ID1: variants seen among roughly 807,000 people sequenced by gnomAD.
ID1 encodes DNA-binding protein inhibitor ID-1.
Under a neutral mutation model 11.3 loss-of-function variants are expected in ID1, and 8 were observed. The ratio of observed to expected loss-of-function variants is 0.71; its 90% CI spans 0.42 to 1.28. The LOEUF (loss-of-function observed/expected upper bound fraction) is 1.28, where lower values mean the gene tolerates loss of function less well. Ranked by LOEUF, ID1 falls within the 50% of genes most tolerant of loss-of-function variation. The probability of loss-of-function intolerance (pLI) is 0.01; values close to 1 mark genes in which losing one functional copy is unlikely to be tolerated. For missense variants in ID1, 347 were observed against 219.8 expected (o/e 1.58, Z -3.66); for synonymous variants, 176 against 100.2 (o/e 1.76, Z -4.52).
rs377464239 is a variant in ID1, at chr20:31,605,467, G to T, written c.80G>T (p.Gly27Val). The T allele has an allele frequency of 4.2e-5, 68 of 1,608,504 alleles. 1 individual carries two copies. The highest frequency in any genetic ancestry group is 5.8e-5 in the Non-Finnish European group (68 of 1,177,686). ...CALKAGKTASGAGEVVRCLSE... is the reference protein window; with the variant it reads ...CALKAGKTASVAGEVVRCLSE... ...CTGAAGGCCGGCAAGACAGCGAGCG[G>T]TGCGGGCGAGGTGGTGCGCTGTCTG... Residue 27 changes from glycine to valine, a missense_variant, in exon 1 of 2, where the codon GGT becomes GTT. By Grantham distance (109) the Gly-to-Val change is moderately radical. Transcript: ENST00000376112.
At position 31,605,660 on chromosome 20, in the gene ID1, G is replaced by T; in HGVS notation, c.273G>T (p.Lys91Asn). ...PTLPQNRKVS[K>N]VEILQHVIDY... ...TGCCCCAGAACCGCAAGGTGAGCAA[G>T]GTGGAGATTCTCCAGCACGTCATCG... Residue 91 changes from lysine to asparagine, a missense_variant, in exon 1 of 2, where the codon AAG (lysine) becomes AAT (asparagine). Lys to Asn is a moderately conservative substitution (Grantham distance 94). Coordinates refer to ENST00000376112, the MANE Select transcript of ID1 (RefSeq NM_002165.4). The T allele has an allele frequency of 6.2e-7, 1 of 1,608,126 alleles. No individual in the cohort carries two copies. The highest frequency in any genetic ancestry group is 1.1e-5 in the South Asian group (1 of 90,120).
Position 31,605,425 on chromosome 20 carries a change from C to T in ID1, c.38C>T (p.Ala13Val), listed in dbSNP as rs1476453775. 3 of 1,605,994 alleles carry T rather than the reference C, an allele frequency of 1.9e-6. No individual in the cohort carries two copies. The highest frequency in any genetic ancestry group is 2.7e-5 in the African/African-American group (2 of 74,300). The change falls in exon 1 of 2, where the codon GCG becomes GTG. Residue 13 changes from alanine (A) to valine (V), a missense_variant. Physicochemically the swap from Ala to Val is moderately conservative, Grantham distance 64 (BLOSUM62 0). Transcript: ENST00000376112. ...VASGSTATAA[A>V]GPSCALKAGK... ...AGTGGCAGCACCGCCACCGCCGCCG[C>T]GGGCCCCAGCTGCGCGCTGAAGGCC...
At position 31,605,708 on chromosome 20, in the gene ID1, G is replaced by A. The variant is rs1433155084; in HGVS notation, c.321G>A (p.Leu107=). The A allele has an allele frequency of 2.5e-6, 4 of 1,611,646 alleles. No individual in the cohort carries two copies. Among genetic ancestry groups the A allele is most frequent in the East Asian group, 2.2e-5 (1 of 44,690 alleles). Residue 107 remains leucine (L), a synonymous_variant, in exon 1 of 2, where the codon TTG becomes TTA. Transcript: ENST00000376112. ...HVIDYIRDLQ[L]ELNSESEVGT... ...TCGACTACATCAGGGACCTTCAGTT[G>A]GAGCTGAACTCGGAATCCGAAGTTG...
rs1394716206 is a variant in ID1, at chr20:31,605,706, T to A, written c.319T>A (p.Leu107Met). The A allele has an allele frequency of 8.7e-6, 14 of 1,611,642 alleles. No homozygotes were observed. Among genetic ancestry groups the A allele is most frequent in the African/African-American group, 1.3e-5 (1 of 74,754 alleles). Reference sequence around the variant, plus strand: ...CATCGACTACATCAGGGACCTTCAGTTGGAGCTGAACTCGGAATCCGAAGT... The same window carrying A: ...CATCGACTACATCAGGGACCTTCAGATGGAGCTGAACTCGGAATCCGAAGT... Reference protein sequence around the residue: ...HVIDYIRDLQLELNSESEVGT... With the variant: ...HVIDYIRDLQMELNSESEVGT... The change falls in exon 1 of 2, where the codon TTG (leucine) becomes ATG (methionine). Residue 107 changes from leucine to methionine, a missense_variant. Leu to Met is a conservative substitution (Grantham distance 15). Transcript: ENST00000376112.
In ID1 at chr20:31,606,057, C is replaced by T. The variant is rs1022545309; in HGVS notation, c.431C>T (p.Ala144Val). The T allele has an allele frequency of 2.5e-6, 4 of 1,611,058 alleles. No homozygotes were observed. The highest frequency in any genetic ancestry group is 2.2e-5 in the East Asian group (1 of 44,890). The part of the protein sequence containing the change: ...GEISALTAEA[A>V]CVPADDRILC... ...CATTTCTTCTCGTTTTCACAGGCGGCATGCGTTCCTGCGGACGATCGCATC... is the reference window on the plus strand; with the variant it reads ...CATTTCTTCTCGTTTTCACAGGCGGTATGCGTTCCTGCGGACGATCGCATC... Residue 144 changes from alanine (A) to valine (V), a missense_variant, in exon 2 of 2, where the codon GCA (alanine) becomes GTA (valine). Transcript: ENST00000376112.
chr20:31,605,996 G>T, intron 1 of ID1, 57 bp from the exon 2 acceptor site: 1 of 1,610,778 alleles, frequency 6.2e-7, no homozygotes, highest in Non-Finnish European at 8.5e-7. Flanking sequence ...GGCGTTCGCT[G>T]CGCTCGGAGC....
At position 31,605,710 on chromosome 20, in the gene ID1, A is replaced by C; in HGVS notation, c.323A>C (p.Glu108Ala). The C allele has an allele frequency of 6.2e-7, 1 of 1,611,492 alleles. No individual in the cohort carries two copies. Residue 108 changes from glutamate (E) to alanine (A), a missense_variant, in exon 1 of 2, where the codon GAG becomes GCG. Glu to Ala is a moderately radical substitution (Grantham distance 107). Coordinates refer to ENST00000376112, the MANE Select transcript of ID1 (RefSeq NM_002165.4). Reference sequence around the variant, plus strand: ...GACTACATCAGGGACCTTCAGTTGGAGCTGAACTCGGAATCCGAAGTTGGA... The same window carrying C: ...GACTACATCAGGGACCTTCAGTTGGCGCTGAACTCGGAATCCGAAGTTGGA... ...VIDYIRDLQL[E>A]LNSESEVGTP... is the part of the protein sequence containing the mutation.
In ID1 at chr20:31,606,295, A is replaced by G. The variant is rs548388201; in HGVS notation, c.*201A>G. On this transcript the variant is annotated 3_prime_UTR_variant, in exon 2 of 2. Transcript: ENST00000376112. ...AGAGGGCGCTCCTCTCTGCACACCT[A>G]CTAGTCACCAGAGACTTTAGGGGGT... is the stretch of plus-strand genomic sequence containing the variant. The G allele has an allele frequency of 6.1e-5, 37 of 605,714 alleles. No homozygotes were observed. Among genetic ancestry groups the G allele is most frequent in the African/African-American group, 3.2e-4 (17 of 53,814 alleles). The allele number at this position is 605,714 out of a possible 1,614,324, so 37.5% of individuals were successfully genotyped here. A position where few individuals can be genotyped will look rare whatever the true frequency, so the allele number is the denominator to read the frequency against.
intron 1 of ID1, 57 bp downstream of exon 1, chr20:31,605,870 A>G (rs1040241316): frequency 2.5e-6 from 4 of 1,593,306 alleles, no homozygotes; most frequent in Middle Eastern, 3.3e-4. Flanking sequence ...AACGGAGGCC[A>G]GAGAGGGCGT....
At position 31,606,299 on chromosome 20, in the gene ID1, G is replaced by A. The variant is rs531351090; in HGVS notation, c.*205G>A. The A allele has an allele frequency of 3.4e-4, 205 of 601,642 alleles. 1 individual carries two copies. The highest frequency in any genetic ancestry group is 1.8e-3 in the Middle Eastern group (4 of 2,246). 37.3% of individuals were successfully genotyped at this position (601,642 alleles called of 1,614,324 possible). A position where few individuals can be genotyped will look rare whatever the true frequency, so the allele number is the denominator to read the frequency against. On this transcript the variant is annotated 3_prime_UTR_variant, in exon 2 of 2. Coordinates refer to ENST00000376112, the MANE Select transcript of ID1 (RefSeq NM_002165.4). ...GGCGCTCCTCTCTGCACACCTACTA[G>A]TCACCAGAGACTTTAGGGGGTGGGA...
rs1272059290 is a variant in ID1, at chr20:31,606,255, G to A, written c.*161G>A. On this transcript the variant is annotated 3_prime_UTR_variant, in exon 2 of 2. Coordinates refer to ENST00000376112, the MANE Select transcript of ID1 (RefSeq NM_002165.4). Reference sequence around the variant, plus strand: ...CTGCATCCAGCCTGGGGCTGAGGCTGAGGCACTGGCGAGGAGAGGGCGCTC... The same window carrying A: ...CTGCATCCAGCCTGGGGCTGAGGCTAAGGCACTGGCGAGGAGAGGGCGCTC... 1 of 730,704 alleles carries A rather than the reference G, an allele frequency of 1.4e-6. No individual in the cohort carries two copies. Among genetic ancestry groups the A allele is most frequent in the Non-Finnish European group, 2.3e-6 (1 of 425,820 alleles). 45.3% of individuals were successfully genotyped at this position (730,704 alleles called of 1,614,324 possible). A position where few individuals can be genotyped will look rare whatever the true frequency, so the allele number is the denominator to read the frequency against.
chr20:31,605,561 C>A lies in ID1; in HGVS notation c.174C>A (p.Asp58Glu). Residue 58 changes from aspartate (D) to glutamate (E), a missense_variant, in exon 1 of 2, where the codon GAC becomes GAA. Coordinates refer to ENST00000376112, the MANE Select transcript of ID1 (RefSeq NM_002165.4). ...GGGCGCGCCTGCCTGCCCTGCTGGA[C>A]GAGCAGCAGGTAAACGTGCTGCTCT... ...GAGARLPALL[D>E]EQQVNVLLYD... The A allele has an allele frequency of 6.4e-7, 1 of 1,558,278 alleles. No individual in the cohort carries two copies. Among genetic ancestry groups the A allele is most frequent in the Non-Finnish European group, 8.7e-7 (1 of 1,149,602 alleles).
In ID1 at chr20:31,605,447, G is replaced by A. The variant is rs1235011521; in HGVS notation, c.60G>A (p.Lys20=). The part of the protein sequence containing the change: ...TAAAGPSCAL[K]AGKTASGAGE... ...CCGCGGGCCCCAGCTGCGCGCTGAA[G>A]GCCGGCAAGACAGCGAGCGGTGCGG... is the stretch of plus-strand genomic sequence containing the variant. Residue 20 remains lysine (K), a synonymous_variant, in exon 1 of 2, where the codon AAG becomes AAA. Transcript: ENST00000376112. The A allele has an allele frequency of 1.2e-6, 2 of 1,609,062 alleles. No homozygotes were observed. The highest frequency in any genetic ancestry group is 2.2e-5 in the East Asian group (1 of 44,714).
In ID1 at chr20:31,606,110, G is replaced by A. The variant is rs1482970240; in HGVS notation, c.*16G>A. 1.9e-6 allele frequency: 3 copies of A among 1,606,852 alleles called. No individual in the cohort carries two copies. The highest frequency in any genetic ancestry group is 4.5e-5 in the East Asian group (2 of 44,872). ...GTGTCGCTGAAGCGCCTCCCCCAGG[G>A]ACCGGCGGACCCCAGCCATCCAGGG... is the stretch of plus-strand genomic sequence containing the variant. On this transcript the variant is annotated 3_prime_UTR_variant, in exon 2 of 2. Transcript: ENST00000376112.
Position 31,605,515 on chromosome 20 carries a change from C to T in ID1, c.128C>T (p.Ser43Leu). The change falls in exon 1 of 2, where the codon TCG (serine) becomes TTG (leucine). Residue 43 changes from serine to leucine, a missense_variant. Transcript: ENST00000376112. ...CTGTCTGAGCAGAGCGTGGCCATCT[C>T]GCGCTGCGCCGGGGGCGCCGGGGCG... is the stretch of plus-strand genomic sequence containing the variant. ...RCLSEQSVAI[S>L]RCAGGAGARL... 2 of 1,576,814 alleles carry T rather than the reference C, an allele frequency of 1.3e-6. No homozygotes were observed. The highest frequency in any genetic ancestry group is 1.7e-6 in the Non-Finnish European group (2 of 1,159,522).
In ID1 at chr20:31,606,156, CTG is replaced by C. The variant is rs1986102724; in HGVS notation, c.*65_*66del. 1 of 1,529,784 alleles carries C rather than the reference CTG, an allele frequency of 6.5e-7. No individual in the cohort carries two copies. Among genetic ancestry groups the C allele is most frequent in the Non-Finnish European group, 9.0e-7 (1 of 1,109,140 alleles). The allele number at this position is 1,529,784 out of a possible 1,614,324, so 94.8% of individuals were successfully genotyped here. On this transcript the variant is annotated 3_prime_UTR_variant, in exon 2 of 2. Coordinates refer to ENST00000376112, the MANE Select transcript of ID1 (RefSeq NM_002165.4). ...CAGGGGGCAAGAGGAATTACGTGCTCTGTGGGTCTCCCCCAACGCGCCTCGCC... is the reference window on the plus strand; with the variant it reads ...CAGGGGGCAAGAGGAATTACGTGCTCTGGGTCTCCCCCAACGCGCCTCGCC...
rs1294703714 is a variant in ID1, at chr20:31,605,511, A to G, written c.124A>G (p.Ile42Val). The G allele has an allele frequency of 1.3e-6, 2 of 1,586,840 alleles. No individual in the cohort carries two copies. The highest frequency in any genetic ancestry group is 1.3e-5 in the African/African-American group (1 of 74,416). Residue 42 changes from isoleucine to valine, a missense_variant, in exon 1 of 2, where the codon ATC becomes GTC. By Grantham distance (29) the Ile-to-Val change is conservative. Coordinates refer to ENST00000376112, the MANE Select transcript of ID1 (RefSeq NM_002165.4). ...CTGTCTGTCTGAGCAGAGCGTGGCC[A>G]TCTCGCGCTGCGCCGGGGGCGCCGG... Reference protein sequence around the residue: ...VRCLSEQSVAISRCAGGAGAR... With the variant: ...VRCLSEQSVAVSRCAGGAGAR...
chr20:31,605,878 C>T (rs373120189), intron 1 of ID1, 65 bp downstream of exon 1: 99 of 1,588,048 alleles, frequency 6.2e-5, no homozygotes, highest in Non-Finnish European at 8.1e-5. Flanking sequence ...CCAGAGAGGG[C>T]GTGGGCGCTT....
chr20:31,606,218 C>T lies in ID1; in HGVS notation c.*124C>T. The T allele has an allele frequency of 9.5e-7, 1 of 1,048,254 alleles. No individual in the cohort carries two copies. Among genetic ancestry groups the T allele is most frequent in the Non-Finnish European group, 1.4e-6 (1 of 692,992 alleles). 64.9% of individuals were successfully genotyped at this position (1,048,254 alleles called of 1,614,324 possible). ...GGAGAACAAGACCGATCGGCGGCCA[C>T]TGCGCCCTTAACTGCATCCAGCCTG... On this transcript the variant is annotated 3_prime_UTR_variant, in exon 2 of 2. Transcript: ENST00000376112.
Sources: allele counts gnomAD v4.1 joint callset, GRCh38; gene constraint gnomAD v4.1.1; transcripts MANE v1.5; gene names NCBI Gene and HGNC (gene_info 2026-07-23, HGNC 2026-07-21).